The following LOC128462377 variants were observed in gnomAD, a reference collection of about 807,000 sequenced individuals.
the LOC128462377 span, among the ~76,000 whole-genome samples, chr16:89,317,348 G>T: frequency 6.6e-6 from 1 of 152,240 alleles, no homozygotes; most frequent in Non-Finnish European, 1.5e-5. Context: ...ATGGCCTAGG[G>T]TGTGGCTGTG....
chr16:89,317,422 C>T, the LOC128462377 span, among the ~76,000 whole-genome samples: 2 of 152,186 alleles, frequency 1.3e-5, no homozygotes, highest in Non-Finnish European at 2.9e-5. Context: ...ACACCCAAAA[C>T]GGTCAGGCAC....
the LOC128462377 span, among the ~76,000 whole-genome samples, chr16:89,365,757 C>T: frequency 5.9e-4 from 89 of 152,112 alleles, no homozygotes; most frequent in African/African-American, 2.1e-3. Context: ...AGGTTTGTTA[C>T]GTAGGTAAAC....
At chr16:89,380,538 G>A in the LOC128462377 span, among the ~76,000 whole-genome samples, 2 of 140,002 alleles carry the variant, frequency 1.4e-5, no homozygotes, top group Non-Finnish European at 3.1e-5. Flanking sequence ...CGGGACACAG[G>A]GCACGAAGAG....
At chr16:89,382,111 C>T in the LOC128462377 span, among the ~76,000 whole-genome samples, 19 of 152,126 alleles carry the variant, frequency 1.2e-4, no homozygotes, top group Non-Finnish European at 2.1e-4. Flanking sequence ...GCGAGGGGGA[C>T]GCGGCCTCCC....
chr16:89,323,200 A>G, the LOC128462377 span: 1 of 745,676 alleles, frequency 1.3e-6, no homozygotes, highest in Non-Finnish European at 2.0e-6. Flanking sequence ...CAGGGAGAGA[A>G]GTCTCCAACG....
At chr16:89,404,575 A>C in the LOC128462377 span, among the ~76,000 whole-genome samples, 1 of 152,218 alleles carries the variant, frequency 6.6e-6, no homozygotes, top group African/African-American at 2.4e-5. Flanking sequence ...AACACTGTTG[A>C]CTCGCAAAGT....
the LOC128462377 span, among the ~76,000 whole-genome samples, chr16:89,336,154 T>C: frequency 6.6e-6 from 1 of 152,250 alleles, no homozygotes; most frequent in Admixed American, 6.5e-5. Flanking sequence ...CCCAGGCCTC[T>C]GGCCACTTGT....
At chr16:89,360,951 T>C in the LOC128462377 span, among the ~76,000 whole-genome samples, 3 of 152,138 alleles carry the variant, frequency 2.0e-5, no homozygotes, top group Admixed American at 2.0e-4. Flanking sequence ...TGGCCACTGC[T>C]CTGCATCAGG....
chr16:89,393,235 G>A, the LOC128462377 span, among the ~76,000 whole-genome samples: 1,281 of 152,202 alleles, frequency 8.4e-3, 9 homozygotes, highest in Non-Finnish European at 0.014. Flanking sequence ...CAGGTGACAT[G>A]GCTCCCACCC....
the LOC128462377 span, among the ~76,000 whole-genome samples, chr16:89,366,236 A>G: frequency 6.6e-6 from 1 of 151,960 alleles, no homozygotes; most frequent in African/African-American, 2.4e-5. Flanking sequence ...CGTCACTGAT[A>G]GATGCTCATG....
the LOC128462377 span, among the ~76,000 whole-genome samples, chr16:89,383,799 G>C: frequency 6.6e-6 from 1 of 152,286 alleles, no homozygotes; most frequent in African/African-American, 2.4e-5. Flanking sequence ...GCCCAATCAT[G>C]ATAGCACCCA....
At chr16:89,411,482 T>C in the LOC128462377 span, among the ~76,000 whole-genome samples, 1 of 152,204 alleles carries the variant, frequency 6.6e-6, no homozygotes. Flanking sequence ...GGTGTGATCA[T>C]AGCTCACTAC....
At chr16:89,394,629 CAAA>C in the LOC128462377 span, among the ~76,000 whole-genome samples, 1 of 140,238 alleles carries the variant, frequency 7.1e-6, no homozygotes. Context: ...ACTCTGTCTC[CAAA>C]AAAAAAAAAA....
the LOC128462377 span, chr16:89,396,007 G>A: frequency 1.3e-5 from 2 of 152,224 alleles, no homozygotes; most frequent in Non-Finnish European, 1.5e-5. Flanking sequence ...GTCAAAGAAT[G>A]ACCGACCGAC....
chr16:89,317,068 T>C, the LOC128462377 span: 1 of 1,573,070 alleles, frequency 6.4e-7, no homozygotes, highest in Non-Finnish European at 8.7e-7. Context: ...CGCTTCATCA[T>C]CAACCGTCTG....
the LOC128462377 span, among the ~76,000 whole-genome samples, chr16:89,374,343 A>AAAT: frequency 2.5e-3 from 373 of 151,204 alleles, 6 homozygotes; most frequent in South Asian, 0.035. Context: ...TTTGTAAAAA[A>AAAT]AATAATAATA....
At chr16:89,342,075 C>CGAACAGCAGCCA in the LOC128462377 span, among the ~76,000 whole-genome samples, 105 of 54,928 alleles carry the variant, frequency 1.9e-3, 26 homozygotes, top group East Asian at 7.8e-3. Flanking sequence ...TGCACCTCCA[C>CGAACAGCAGCCA]CGCCCACAGC....
At chr16:89,352,195 T>C in the LOC128462377 span, among the ~76,000 whole-genome samples, 12 of 152,130 alleles carry the variant, frequency 7.9e-5, no homozygotes, top group Middle Eastern at 3.4e-3. Flanking sequence ...TGGCCGATTA[T>C]CTTCTTTGAA....
the LOC128462377 span, chr16:89,324,352 G>C: frequency 1.8e-6 from 2 of 1,081,982 alleles, no homozygotes; most frequent in Admixed American, 4.6e-5. Flanking sequence ...TCACAGAAGA[G>C]GGAAAAAGCC....
Sources: gnomAD v4.1 joint callset for allele counts (sites outside exome capture counted in the v4.1 genomes callset) on GRCh38, gnomAD v4.1.1 for gene constraint, MANE v1.5 for transcripts.